The following PIP4K2B variants were observed in gnomAD, a reference collection of about 807,000 sequenced individuals.
PIP4K2B encodes the protein phosphatidylinositol 5-phosphate 4-kinase type-2 beta.
PIP4K2B carries 3 observed loss-of-function variants against 42.0 expected under a neutral mutation model. The observed-to-expected ratio is 0.07, with a 90% CI of 0.03 to 0.18. The LOEUF is 0.18. PIP4K2B is among the 10% of genes least tolerant of loss of function. PIP4K2B has a pLI of 1.00. For missense variants in PIP4K2B, 332 were observed against 562.3 expected (o/e 0.59, Z 4.14); for synonymous variants, 204 against 210.1 (o/e 0.97, Z 0.25).
At chr17:38,771,554 A>T (rs544970559) in intron 7 of PIP4K2B, among the ~76,000 whole-genome samples, 1 of 150,842 alleles carries the variant, frequency 6.6e-6, no homozygotes, top group African/African-American at 2.4e-5. Context: ...CTCAAAAAAA[A>T]AAAAAAAAAA....
At chr17:38,795,321 A>G (rs1295549857) in intron 1 of PIP4K2B, among the ~76,000 whole-genome samples, 4 of 151,854 alleles carry the variant, frequency 2.6e-5, no homozygotes, top group South Asian at 2.1e-4. Context: ...AAAGATACCA[A>G]TGAAGGCTGG....
chr17:38,783,277 C>T (rs776428105), intron 3 of PIP4K2B, among the ~76,000 whole-genome samples: 20 of 150,914 alleles, frequency 1.3e-4, no homozygotes, highest in Non-Finnish European at 2.2e-4. Context: ...ACCTTCACCA[C>T]AAGGCTGTCT....
At chr17:38,790,488 T>C (rs893385601) in intron 1 of PIP4K2B, among the ~76,000 whole-genome samples, 12 of 152,208 alleles carry the variant, frequency 7.9e-5, no homozygotes, top group Admixed American at 1.3e-4. Flanking sequence ...AGATCGAGTC[T>C]TGCTCTGTTG....
chr17:38,777,505 C>T lies in PIP4K2B; in HGVS notation c.807+182G>A, dbSNP rs566145653. Among the ~76,000 whole-genome samples the T allele has an allele frequency of 3.9e-5, 6 of 152,310 alleles. No individual in the cohort carries two copies. In the East Asian group the frequency reaches 9.6e-4, roughly 24 times the overall value. On this transcript the variant is annotated intron_variant, in intron 7 of 9. Coordinates refer to ENST00000619039, the MANE Select transcript of PIP4K2B (RefSeq NM_003559.5). Reference sequence around the variant, plus strand: ...GGTCCTACTGGCGCCAACTATGCTCCGTCAGGTGGAATGATCATTTGCACT... The same window carrying T: ...GGTCCTACTGGCGCCAACTATGCTCTGTCAGGTGGAATGATCATTTGCACT...
At position 38,771,009 on chromosome 17, in the gene PIP4K2B, C is replaced by T; in HGVS notation, c.1066+5G>A. ...TGTGCAGAGCAGGCGCAGGCTCTGA[C>T]TTACTTTCATGGCTTTTCATGGCAT... On this transcript the variant is annotated splice_donor_5th_base_variant and intron_variant, in intron 8 of 9. Transcript: ENST00000619039. 1 of 1,614,078 alleles carries T rather than the reference C, an allele frequency of 6.2e-7. No individual in the cohort carries two copies.
At chr17:38,781,641 C>T (rs1296724096) in intron 3 of PIP4K2B, among the ~76,000 whole-genome samples, 8 of 149,392 alleles carry the variant, frequency 5.4e-5, no homozygotes. Context: ...CTCAGCCTAC[C>T]AAGTAGCTGG....
intron 3 of PIP4K2B, among the ~76,000 whole-genome samples, chr17:38,780,868 A>T (rs1909667724): frequency 6.6e-6 from 1 of 152,148 alleles, no homozygotes; most frequent in African/African-American, 2.4e-5. Flanking sequence ...GAAAGTTTCC[A>T]TCCTGATCCC....
intron 1 of PIP4K2B, among the ~76,000 whole-genome samples, chr17:38,791,385 C>T (rs1910330398): frequency 6.7e-6 from 1 of 148,610 alleles, no homozygotes; most frequent in Non-Finnish European, 1.5e-5. Context: ...AAGGCCTTTC[C>T]TAATCTGGCT....
chr17:38,798,530 C>T (rs1910768812), intron 1 of PIP4K2B, among the ~76,000 whole-genome samples: 1 of 152,176 alleles, frequency 6.6e-6, no homozygotes. Flanking sequence ...GATAAGTCAA[C>T]ATCTTTAAAA....
Position 38,786,903 on chromosome 17 carries a change from A to G in PIP4K2B, c.177T>C (p.Asn59=), listed in dbSNP as rs1052689223. 4 of 1,612,698 alleles carry G rather than the reference A, an allele frequency of 2.5e-6. No homozygotes were observed. Among genetic ancestry groups the G allele is most frequent in the South Asian group, 1.1e-5 (1 of 91,056 alleles). ...GCATTAGCATGACAGGAACAGGAACATTGCTCAGCTCATTGATCTGAAAAG... is the reference window on the plus strand; with the variant it reads ...GCATTAGCATGACAGGAACAGGAACGTTGCTCAGCTCATTGATCTGAAAAG... ...GVNHTINELS[N]VPVPVMLMPD... The change falls in exon 2 of 10, where the codon AAT becomes AAC. Residue 59 remains asparagine, a synonymous_variant. Transcript: ENST00000619039.
At position 38,769,249 on chromosome 17, in the gene PIP4K2B, AGG is replaced by A. The variant is rs1280375558; in HGVS notation, c.*440_*441del. On this transcript the variant is annotated 3_prime_UTR_variant, in exon 10 of 10. Transcript: ENST00000619039. The stretch of plus-strand genomic sequence containing the variant: ...GTCTACCGGGTATCTCTTTAATTGA[AGG>A]GAACTGAGAGCTCAGCAAAGATGGG... 5.8e-6 allele frequency: 1 copy of A among 171,282 alleles called. No homozygotes were observed. The highest frequency in any genetic ancestry group is 2.4e-5 in the African/African-American group (1 of 41,986). 10.6% of individuals were successfully genotyped at this position (171,282 alleles called of 1,614,324 possible). A position where few individuals can be genotyped will look rare whatever the true frequency, so the allele number is the denominator to read the frequency against.
intron 6 of PIP4K2B, 101 bp from the exon 7 acceptor site, chr17:38,777,901 G>C (rs1909455524): frequency 2.3e-6 from 2 of 851,232 alleles, no homozygotes; most frequent in African/African-American, 1.7e-5. Context: ...GGGGAAGGAG[G>C]GGTTGTCAGT....
rs540065854 is a variant in PIP4K2B, at chr17:38,765,883, G to A, written c.*3808C>T. The A allele has an allele frequency of 3.3e-5, 5 of 152,740 alleles. No individual in the cohort carries two copies. The South Asian group carries it at 1.0e-3, about 32-fold the overall frequency. The allele number at this position is 152,740 out of a possible 1,614,324, so 9.5% of individuals were successfully genotyped here. A position where few individuals can be genotyped will look rare whatever the true frequency, so the allele number is the denominator to read the frequency against. Reference sequence around the variant, plus strand: ...GAGAAGTCACACACTTGGTGGGGTGGTGGTTTGTCCTGCTTCCCCAAAAGG... The same window carrying A: ...GAGAAGTCACACACTTGGTGGGGTGATGGTTTGTCCTGCTTCCCCAAAAGG... On this transcript the variant is annotated 3_prime_UTR_variant, in exon 10 of 10. Transcript: ENST00000619039.
chr17:38,786,742 C>A, intron 2 of PIP4K2B, 81 bp downstream of exon 2: 2 of 890,368 alleles, frequency 2.2e-6, no homozygotes, highest in Non-Finnish European at 3.8e-6. Flanking sequence ...TTGGCTCCCA[C>A]CATGCATGAG....
At chr17:38,790,351 T>G (rs1386623753) in intron 1 of PIP4K2B, among the ~76,000 whole-genome samples, 1 of 152,194 alleles carries the variant, frequency 6.6e-6, no homozygotes, top group African/African-American at 2.4e-5. Context: ...TCCTGGCATA[T>G]CAAGCCTGGC....
chr17:38,789,005 G>C (rs1910196721), intron 1 of PIP4K2B, among the ~76,000 whole-genome samples: 1 of 151,984 alleles, frequency 6.6e-6, no homozygotes, highest in African/African-American at 2.4e-5. Context: ...TATCATCCTA[G>C]CTACTCAGGA....
chr17:38,791,141 A>C (rs1278097952), intron 1 of PIP4K2B, among the ~76,000 whole-genome samples: 1 of 152,164 alleles, frequency 6.6e-6, no homozygotes, highest in East Asian at 1.9e-4. Flanking sequence ...GGATACAGAC[A>C]TCAAGAACAG....
intron 7 of PIP4K2B, among the ~76,000 whole-genome samples, chr17:38,775,018 C>T (rs1362077662): frequency 2.6e-5 from 4 of 151,668 alleles, no homozygotes; most frequent in South Asian, 2.1e-4. Context: ...GGCACGATCT[C>T]GGCTCCCTGC....
chr17:38,784,759 G>A (rs974259277), intron 2 of PIP4K2B, among the ~76,000 whole-genome samples: 6 of 152,146 alleles, frequency 3.9e-5, no homozygotes, highest in African/African-American at 1.4e-4. Flanking sequence ...GTATTTGTGC[G>A]ATTTTCTATG....
Sources: allele counts gnomAD v4.1 joint callset (sites outside exome capture counted in the v4.1 genomes callset), GRCh38; gene constraint gnomAD v4.1.1; transcripts MANE v1.5; gene names NCBI Gene and HGNC (gene_info 2026-07-23, HGNC 2026-07-21).